Variants in OR52N4 observed in about 807,000 individuals in gnomAD.
The protein encoded by OR52N4 is olfactory receptor family 52 subfamily N member 4.
A neutral mutation model predicts 15.0 loss-of-function variants in OR52N4; 15 were observed. That is an observed-to-expected ratio of 1.00 (90% CI 0.67 to 1.54). The LOEUF (loss-of-function observed/expected upper bound fraction) is 1.54. Ranked by LOEUF, OR52N4 falls within the 40% of genes most tolerant of loss-of-function variation. The pLI, the probability that OR52N4 is intolerant of heterozygous loss-of-function variation, is 0.00. For synonymous variants in OR52N4, 143 were observed against 143.7 expected (o/e 1.00, Z 0.03); for missense variants, 421 against 394.0 (o/e 1.07, Z -0.58).
the OR52N4 span, among the ~76,000 whole-genome samples, chr11:5,740,308 T>C: frequency 1.6e-5 from 2 of 127,312 alleles, no homozygotes; most frequent in African/African-American, 5.7e-5. Context: ...TTGAAAGGTA[T>C]GTGGAGGGGT....
intron 1 of OR52N4, 21 bp from the exon 2 acceptor site, chr11:5,754,670 CTT>C (rs1448490981): frequency 3.3e-5 from 46 of 1,373,460 alleles, no homozygotes; most frequent in South Asian, 1.3e-4. Flanking sequence ...TATATTTTCT[CTT>C]GTTTTTTTTT....
the OR52N4 span, among the ~76,000 whole-genome samples, chr11:5,747,077 C>CAAAAAAA: frequency 7.0e-5 from 4 of 57,260 alleles, no homozygotes; most frequent in East Asian, 5.3e-4. Flanking sequence ...GTAAAAATAC[C>CAAAAAAA]AAAAAAAAAA....
chr11:5,736,737 T>C, the OR52N4 span: 1 of 1,614,074 alleles, frequency 6.2e-7, no homozygotes, highest in Non-Finnish European at 8.5e-7. Flanking sequence ...TTCCTTGGCA[T>C]CCTCTGTATG....
chr11:5,727,508 T>A, the OR52N4 span: 1 of 150,652 alleles, frequency 6.6e-6, no homozygotes, highest in Non-Finnish European at 1.5e-5. Context: ...AAAAAAAACC[T>A]TTTCAAGATA....
At chr11:5,751,194 TTA>T (rs72410362), upstream of OR52N4, among the ~76,000 whole-genome samples, 32,569 of 151,900 alleles carry the variant, frequency 0.21, 3,565 homozygotes, top group South Asian at 0.25. Context: ...TCTAAAAATA[TTA>T]TGTTTGTATA....
chr11:5,744,594 G>A, the OR52N4 span, among the ~76,000 whole-genome samples: 1 of 152,224 alleles, frequency 6.6e-6, no homozygotes, highest in Admixed American at 6.5e-5. Flanking sequence ...ATGCCCCTGA[G>A]GCCTAACATA....
At chr11:5,733,152 G>A in the OR52N4 span, among the ~76,000 whole-genome samples, 1 of 152,046 alleles carries the variant, frequency 6.6e-6, no homozygotes, top group Non-Finnish European at 1.5e-5. Context: ...TTGCTGCCAT[G>A]CCTAAATTAT....
chr11:5,743,778 A>T, the OR52N4 span, among the ~76,000 whole-genome samples: 1 of 152,182 alleles, frequency 6.6e-6, no homozygotes, highest in African/African-American at 2.4e-5. Flanking sequence ...CATTAAAAAT[A>T]TAGAAAGATT....
chr11:5,741,669 G>A, the OR52N4 span, among the ~76,000 whole-genome samples: 1 of 152,202 alleles, frequency 6.6e-6, no homozygotes, highest in Admixed American at 6.5e-5. Flanking sequence ...CAGAGCAGGT[G>A]TGAGGATAGG....
rs572410570 is a variant in OR52N4 at position 5,755,664 on chromosome 11, G to C, written c.924G>C (p.Arg308Ser). Residue 308 changes from arginine to serine, a missense_variant, in exon 2 of 2, where the codon AGG becomes AGC. Transcript: ENST00000641350. ...KTKQIRDCVI[R>S]ILSGSKDTKS... is the part of the protein sequence containing the mutation. ...AACAGATACGAGACTGTGTCATAAGGATCCTTTCAGGTTCTAAGGATACCA... is the reference window on the plus strand; with the variant it reads ...AACAGATACGAGACTGTGTCATAAGCATCCTTTCAGGTTCTAAGGATACCA... 2.7e-5 allele frequency: 43 copies of C among 1,613,646 alleles called. No homozygotes were observed. The South Asian group carries it at 2.9e-4, about 11-fold the overall frequency.
the OR52N4 span, chr11:5,737,507 T>C: frequency 1.3e-6 from 2 of 1,594,604 alleles, no homozygotes; most frequent in Non-Finnish European, 1.7e-6. Flanking sequence ...TTCTCCATGA[T>C]GTACATGAAC....
At chr11:5,753,988 C>CA (rs60504408), upstream of OR52N4, among the ~76,000 whole-genome samples, 697 of 79,616 alleles carry the variant, frequency 8.8e-3, 28 homozygotes, top group East Asian at 0.013. Context: ...GACTCTGCCT[C>CA]AAAAAAAAAA....
chr11:5,737,416 T>C, the OR52N4 span: 91,203 of 1,613,960 alleles, frequency 0.057, 3,884 homozygotes, highest in East Asian at 0.19. Flanking sequence ...CTACAGTTTA[T>C]GCACTTCAGA....
chr11:5,750,815 A>C (rs1334872997), upstream of OR52N4, among the ~76,000 whole-genome samples: 1 of 152,048 alleles, frequency 6.6e-6, no homozygotes, highest in Non-Finnish European at 1.5e-5. Flanking sequence ...CTTTTACAAA[A>C]TAATAATTAA....
At chr11:5,753,579 GA>G (rs1299478873), upstream of OR52N4, among the ~76,000 whole-genome samples, 2 of 152,124 alleles carry the variant, frequency 1.3e-5, no homozygotes, top group Non-Finnish European at 2.9e-5. Context: ...CTTGAAAAGT[GA>G]AAAAATTGAA....
chr11:5,733,268 A>G, the OR52N4 span, among the ~76,000 whole-genome samples: 1 of 152,074 alleles, frequency 6.6e-6, no homozygotes, highest in South Asian at 2.1e-4. Context: ...CCCATGTTCC[A>G]CCACACCTTG....
chr11:5,741,263 A>G, the OR52N4 span, among the ~76,000 whole-genome samples: 1 of 152,222 alleles, frequency 6.6e-6, no homozygotes. Flanking sequence ...TCAAGAGGAT[A>G]AGATCTTAAG....
chr11:5,734,234 A>C, the OR52N4 span: 3 of 455,688 alleles, frequency 6.6e-6, no homozygotes, highest in South Asian at 3.1e-5. Flanking sequence ...TTCATAAGCA[A>C]GGTAAGTGAT....
the OR52N4 span, chr11:5,736,566 A>G: frequency 1.9e-6 from 3 of 1,613,846 alleles, no homozygotes; most frequent in Non-Finnish European, 2.5e-6. Flanking sequence ...TCCAAATTCC[A>G]GGTCTCTGAG....
Sources: gnomAD v4.1 joint callset for allele counts (sites outside exome capture counted in the v4.1 genomes callset) on GRCh38, gnomAD v4.1.1 for gene constraint, MANE v1.5 for transcripts, NCBI Gene and HGNC (gene_info 2026-07-23, HGNC 2026-07-21) for gene names.